NTN1: variants seen among roughly 807,000 people sequenced by gnomAD.
The protein encoded by NTN1 is netrin-1.
Under a neutral mutation model 54.2 loss-of-function variants are expected in NTN1, and 11 were observed. The observed-to-expected ratio is 0.20, with a 90% CI of 0.13 to 0.34. The LOEUF is 0.34. Among genes scored for constraint, NTN1 ranks in the 10% least tolerant of loss-of-function variants. NTN1 has a pLI of 1.00. For synonymous variants in NTN1, 371 were observed against 382.0 expected (o/e 0.97, Z 0.33); for missense variants, 740 against 893.1 (o/e 0.83, Z 2.18).
intron 6 of NTN1, among the ~76,000 whole-genome samples, chr17:9,234,387 G>T (rs1284405978): frequency 2.9e-4 from 44 of 152,208 alleles, no homozygotes; most frequent in Non-Finnish European, 4.4e-5. Flanking sequence ...GTGGCCCATG[G>T]GCTGAGGGCA....
At chr17:9,180,823 G>A (rs2092416843) in intron 4 of NTN1, among the ~76,000 whole-genome samples, 1 of 152,236 alleles carries the variant, frequency 6.6e-6, no homozygotes, top group African/African-American at 2.4e-5. Context: ...TGGTAGAGGG[G>A]GCTCAGCACC....
intron 2 of NTN1, among the ~76,000 whole-genome samples, chr17:9,038,196 T>C (rs2091908954): frequency 7.2e-6 from 1 of 139,396 alleles, no homozygotes; most frequent in Non-Finnish European, 1.5e-5. Flanking sequence ...CTCCCCTATT[T>C]GTGTCTATCG....
chr17:9,019,075 T>C (rs1422977807), upstream of NTN1, among the ~76,000 whole-genome samples: 4 of 152,190 alleles, frequency 2.6e-5, no homozygotes, highest in Non-Finnish European at 4.4e-5. Flanking sequence ...CAGGAAAGCT[T>C]AGGGACAAAT....
At chr17:9,203,153 C>A (rs1161421388) in intron 5 of NTN1, among the ~76,000 whole-genome samples, 1 of 146,650 alleles carries the variant, frequency 6.8e-6, no homozygotes, top group East Asian at 1.9e-4. Context: ...GATCTCCTGA[C>A]CTCGTGATCC....
At chr17:9,223,895 G>C (rs1158991644) in intron 6 of NTN1, among the ~76,000 whole-genome samples, 1 of 152,232 alleles carries the variant, frequency 6.6e-6, no homozygotes, top group Non-Finnish European at 1.5e-5. Flanking sequence ...AAGGAGGTAG[G>C]AGGGGAAGGG....
At chr17:9,146,372 T>C (rs12103747) in intron 2 of NTN1, among the ~76,000 whole-genome samples, 43,844 of 152,058 alleles carry the variant, frequency 0.29, 6,470 homozygotes, top group East Asian at 0.42. Context: ...CCTCCTGCCC[T>C]GAGCTCATCT....
intron 3 of NTN1, chr17:9,176,419 G>A (rs956296513): frequency 2.6e-5 from 4 of 152,250 alleles, no homozygotes; most frequent in African/African-American, 9.7e-5. Flanking sequence ...CAGGGTCAAG[G>A]GACTACAGCA....
At chr17:9,034,002 A>G (rs117590979) in intron 2 of NTN1, among the ~76,000 whole-genome samples, 2 of 152,314 alleles carry the variant, frequency 1.3e-5, no homozygotes, top group East Asian at 1.9e-4. Context: ...ACAACATTCT[A>G]TCTACTAAAG....
intron 2 of NTN1, among the ~76,000 whole-genome samples, chr17:9,151,711 G>T (rs190351312): frequency 2.0e-5 from 3 of 152,216 alleles, no homozygotes; most frequent in Non-Finnish European, 4.4e-5. Context: ...GGCTTCAGGG[G>T]CCTCTAAGGC....
chr17:9,187,908 G>A (rs2092438678), intron 5 of NTN1, among the ~76,000 whole-genome samples: 1 of 152,130 alleles, frequency 6.6e-6, no homozygotes, highest in African/African-American at 2.4e-5. Context: ...ATTGAAAGAA[G>A]CCAGACCCAA....
chr17:9,239,541 C>A lies in NTN1; in HGVS notation c.1487-99C>A. Reference sequence around the variant, plus strand: ...TATGGGCCACTCTGTGCAGTCACTTCCTGGGGCTGGGTCTCCTTTCCCTTC... The same window carrying A: ...TATGGGCCACTCTGTGCAGTCACTTACTGGGGCTGGGTCTCCTTTCCCTTC... On this transcript the variant is annotated intron_variant, in intron 6 of 6. Coordinates refer to ENST00000173229, the MANE Select transcript of NTN1 (RefSeq NM_004822.3). This position sits in a 1 kb window ranked among gnomAD's most constrained non-coding sequence, Gnocchi z 5.2. The A allele has an allele frequency of 8.1e-7, 1 of 1,238,212 alleles. No individual in the cohort carries two copies. The highest frequency in any genetic ancestry group is 1.1e-6 in the Non-Finnish European group (1 of 877,454). 76.7% of individuals were successfully genotyped at this position (1,238,212 alleles called of 1,614,324 possible).
rs141444629 is a variant in NTN1, at chr17:9,191,079, A to G, written c.1411+8110A>G. 3.1e-3 allele frequency among the ~76,000 whole-genome samples: 468 copies of G among 152,372 alleles called. 2 individuals are homozygous for G. Among genetic ancestry groups the G allele is most frequent in the Non-Finnish European group, 5.5e-3 (376 of 68,032 alleles). Reference sequence around the variant, plus strand: ...CCTTAAATGTTCTAGAATAAAATATATATGAATATCAATGTAATATTGATG... The same window carrying G: ...CCTTAAATGTTCTAGAATAAAATATGTATGAATATCAATGTAATATTGATG... On this transcript the variant is annotated intron_variant, in intron 5 of 6. Transcript: ENST00000173229.
intron 2 of NTN1, among the ~76,000 whole-genome samples, chr17:9,059,549 C>T (rs887064967): frequency 6.6e-6 from 1 of 151,992 alleles, no homozygotes; most frequent in African/African-American, 2.4e-5. Flanking sequence ...AACAGTATGC[C>T]AAGTGAAAGA....
At chr17:9,146,090 G>A (rs2092312504) in intron 2 of NTN1, among the ~76,000 whole-genome samples, 1 of 152,156 alleles carries the variant, frequency 6.6e-6, no homozygotes, top group Non-Finnish European at 1.5e-5. Context: ...AGGCCCTTGT[G>A]CCCTTTCAAG....
chr17:9,034,315 C>T (rs1179928717), intron 2 of NTN1, among the ~76,000 whole-genome samples: 3 of 152,156 alleles, frequency 2.0e-5, no homozygotes, highest in Non-Finnish European at 2.9e-5. Context: ...TATCAGCACA[C>T]ATTTCTATAG....
chr17:9,185,608 G>A (rs2092430971), intron 5 of NTN1, among the ~76,000 whole-genome samples: 1 of 152,078 alleles, frequency 6.6e-6, no homozygotes, highest in Admixed American at 6.5e-5. Context: ...GGGCCGGGTA[G>A]GCCAGGAGGG....
chr17:9,221,116 C>G lies in NTN1; in HGVS notation c.1412-52C>G. The G allele has an allele frequency of 7.7e-7, 1 of 1,292,694 alleles. No homozygotes were observed. Among genetic ancestry groups the G allele is most frequent in the Non-Finnish European group, 1.1e-6 (1 of 888,180 alleles). The allele number at this position is 1,292,694 out of a possible 1,614,324, so 80.1% of individuals were successfully genotyped here. A position where few individuals can be genotyped will look rare whatever the true frequency, so the allele number is the denominator to read the frequency against. On this transcript the variant is annotated intron_variant, in intron 5 of 6. Transcript: ENST00000173229. This position sits in a 1 kb window ranked among gnomAD's most constrained non-coding sequence, Gnocchi z 4.5. ...CTCCTACTCTGCCCGCCAGCCTATT[C>G]ATCGCCAGCCTAATTAGTTTTTGTC...
the NTN1 span, among the ~76,000 whole-genome samples, chr17:9,005,196 C>T: frequency 6.6e-6 from 1 of 152,176 alleles, no homozygotes; most frequent in Non-Finnish European, 1.5e-5. Context: ...TCCACCCACC[C>T]CTTGTGGCTT....
chr17:9,161,542 G>A (rs755583903), intron 2 of NTN1, among the ~76,000 whole-genome samples: 13 of 152,116 alleles, frequency 8.5e-5, no homozygotes, highest in Admixed American at 4.6e-4. Context: ...CACTTTGGGA[G>A]GCTGAGGTGG....
Sources: gnomAD v4.1 joint callset for allele counts (sites outside exome capture counted in the v4.1 genomes callset) on GRCh38, gnomAD v4.1.1 for gene constraint, Gnocchi (gnomAD v3.1) non-coding constraint, MANE v1.5 for transcripts, NCBI Gene and HGNC (gene_info 2026-07-23, HGNC 2026-07-21) for gene names.